Variants in FRMD1 observed in about 807,000 individuals in gnomAD.
FRMD1 encodes the protein FERM domain containing 1, also known as FERM domain-containing protein 1.
FRMD1 carries 51 observed loss-of-function variants against 54.9 expected under a neutral mutation model. That is an observed-to-expected ratio of 0.93 (90% CI 0.74 to 1.17). FRMD1 has a LOEUF of 1.17. Among genes scored for constraint, FRMD1 ranks in the 50% most tolerant of loss-of-function variants. The pLI is 0.00. For synonymous variants in FRMD1, 324 were observed against 306.4 expected, an observed-to-expected ratio of 1.06 and a Z score of -0.60; for missense variants, 729 against 743.0, an observed-to-expected ratio of 0.98 and a Z score of 0.22.
intron 1 of FRMD1, chr6:168,075,842 T>C (rs1800566137): frequency 6.5e-7 from 1 of 1,531,956 alleles, no homozygotes; most frequent in Non-Finnish European, 8.8e-7. Context: ...TGTCCCTGTT[T>C]CCGGCGTCCC....
intron 1 of FRMD1, among the ~76,000 whole-genome samples, chr6:168,091,557 T>A (rs892261026): frequency 6.6e-5 from 10 of 152,158 alleles, no homozygotes; most frequent in South Asian, 2.1e-4. Flanking sequence ...CAGAGCAGTG[T>A]CTCTGGAGCC....
intron 2 of FRMD1, among the ~76,000 whole-genome samples, chr6:168,068,837 G>A (rs979823505): frequency 4.6e-5 from 7 of 152,246 alleles, no homozygotes; most frequent in African/African-American, 1.7e-4. Flanking sequence ...GAAGACACCA[G>A]TGAGGAAGAC....
In FRMD1 at chr6:168,060,827, C is replaced by T. The variant is rs775050650; in HGVS notation, c.1276G>A (p.Glu426Lys). Reference sequence around the variant, plus strand: ...CTGGGGCTGGAGGACGGCTCCTTCTCATGGAGCCCGTGGACCTCCAAGGGC... The same window carrying T: ...CTGGGGCTGGAGGACGGCTCCTTCTTATGGAGCCCGTGGACCTCCAAGGGC... ...DVPLEVHGLH[E>K]KEPSSSPRTS... The change falls in exon 9 of 11, where the codon GAG becomes AAG. Residue 426 changes from glutamate to lysine, a missense_variant. Transcript: ENST00000283309. 3 of 1,613,506 alleles carry T rather than the reference C, an allele frequency of 1.9e-6. No individual in the cohort carries two copies. Among genetic ancestry groups the T allele is most frequent in the Admixed American group, 1.7e-5 (1 of 60,020 alleles).
chr6:168,087,076 T>C (rs966436126), intron 1 of FRMD1, among the ~76,000 whole-genome samples: 64 of 152,254 alleles, frequency 4.2e-4, no homozygotes, highest in African/African-American at 6.3e-4. Context: ...TTCACTTTTT[T>C]TTTTTTCTTC....
upstream of FRMD1, among the ~76,000 whole-genome samples, chr6:168,080,787 T>A (rs1033052330): frequency 2.0e-5 from 3 of 151,800 alleles, no homozygotes; most frequent in Non-Finnish European, 4.4e-5. Context: ...AAAGCGATGG[T>A]TCCCCACGTG....
At chr6:168,080,768 C>T (rs1245017733), upstream of FRMD1, among the ~76,000 whole-genome samples, 1 of 152,058 alleles carries the variant, frequency 6.6e-6, no homozygotes, top group African/African-American at 2.4e-5. Context: ...GCTGGGTGCA[C>T]TAATGATCAA....
At chr6:168,083,219 CTG>C (rs1562434221), upstream of FRMD1, among the ~76,000 whole-genome samples, 1 of 152,234 alleles carries the variant, frequency 6.6e-6, no homozygotes, top group Non-Finnish European at 1.5e-5. Flanking sequence ...TCACCCGTCT[CTG>C]TGGTGCTAGC....
intron 1 of FRMD1, chr6:168,075,759 T>TG: frequency 6.4e-7 from 1 of 1,550,692 alleles, no homozygotes; most frequent in Non-Finnish European, 8.7e-7. Flanking sequence ...GCCCAACTGA[T>TG]GCGAGTGATC....
Position 168,055,324 on chromosome 6 carries a change from TGTGTGTGTGCATGC to T in FRMD1, c.*1759_*1772del, listed in dbSNP as rs1263313582. 1 of 153,014 alleles carries T rather than the reference TGTGTGTGTGCATGC, an allele frequency of 6.5e-6. No homozygotes were observed. The highest frequency in any genetic ancestry group is 1.5e-5 in the Non-Finnish European group (1 of 68,808). 9.5% of individuals were successfully genotyped at this position (153,014 alleles called of 1,614,324 possible). A position where few individuals can be genotyped will look rare whatever the true frequency, so the allele number is the denominator to read the frequency against. On this transcript the variant is annotated 3_prime_UTR_variant, in exon 11 of 11. Coordinates refer to ENST00000283309, the MANE Select transcript of FRMD1 (RefSeq NM_024919.6). ...GTGTGCATGTATGGATGTGTGCATG[TGTGTGTGTGCATGC>T]GTGTGCATCTGTGTGCAGATGTGTG...
At chr6:168,078,543 C>CAGCCGCAGTTGCTCCCGG (rs1800693338) in intron 1 of FRMD1, among the ~76,000 whole-genome samples, 1 of 147,996 alleles carries the variant, frequency 6.8e-6, no homozygotes, top group African/African-American at 2.5e-5. Flanking sequence ...CCCCCACGGC[C>CAGCCGCAGTTGCTCCCGG]CTGCTCACCC....
In FRMD1 at chr6:168,062,905, G is replaced by A. The variant is rs1288423190; in HGVS notation, c.859C>T (p.His287Tyr). The A allele has an allele frequency of 2.5e-6, 4 of 1,613,894 alleles. No individual in the cohort carries two copies. In the Admixed American group the frequency reaches 6.7e-5, roughly 27 times the overall value. The change falls in exon 7 of 11, where the codon CAC becomes TAC. Residue 287 changes from histidine (H) to tyrosine (Y), a missense_variant. Transcript: ENST00000283309. ...GCCCCTTCGGTCACCTGGTAGATGT[G>A]CACTCCCCTGAGGGCCAGTCCCAGG... ...VILGLALRGV[H>Y]IYQGKKLEIQ...
intron 6 of FRMD1, 131 bp from the exon 7 acceptor site, chr6:168,063,090 GAC>G: frequency 1.3e-6 from 1 of 744,404 alleles, no homozygotes. Context: ...CCCATTTACA[GAC>G]AGTCTCATTC....
chr6:168,086,220 A>G (rs978523894), upstream of FRMD1, among the ~76,000 whole-genome samples: 4 of 151,600 alleles, frequency 2.6e-5, 1 homozygote, highest in Admixed American at 2.0e-4. Context: ...ATGTTCCAGC[A>G]TGGACACCCA....
In FRMD1 at chr6:168,060,779, T is replaced by C. The variant is rs577843443; in HGVS notation, c.1324A>G (p.Thr442Ala). The change falls in exon 9 of 11, where the codon ACA becomes GCA. Residue 442 changes from threonine to alanine, a missense_variant. By Grantham distance (58) the Thr-to-Ala change is moderately conservative. Coordinates refer to ENST00000283309, the MANE Select transcript of FRMD1 (RefSeq NM_024919.6). ...GGCCCACCTTGGCTGTCACCACGTG[T>C]GCTGGGGTGGCTGCGGCTGGTCCTG... The part of the protein sequence containing the change: ...SPRTSRSHPS[T>A]RGDSQATRQE... The C allele has an allele frequency of 1.3e-5, 21 of 1,611,210 alleles. No individual in the cohort carries two copies. The South Asian group carries it at 2.1e-4, about 16-fold the overall frequency.
At chr6:168,080,442 A>C (rs1379459733), upstream of FRMD1, among the ~76,000 whole-genome samples, 1 of 39,298 alleles carries the variant, frequency 2.5e-5, no homozygotes, top group Non-Finnish European at 6.5e-5. Context: ...AGTTTTAAAA[A>C]TGGCAAAAAA....
At chr6:168,085,664 G>C (rs951589124), upstream of FRMD1, among the ~76,000 whole-genome samples, 1 of 152,182 alleles carries the variant, frequency 6.6e-6, no homozygotes, top group Admixed American at 6.5e-5. Flanking sequence ...CATGGCCACC[G>C]TGAGAACTGC....
chr6:168,064,906 T>G lies in FRMD1; in HGVS notation c.613A>C (p.Arg205=). 1 of 1,593,734 alleles carries G rather than the reference T, an allele frequency of 6.3e-7. No individual in the cohort carries two copies. The highest frequency in any genetic ancestry group is 8.5e-7 in the Non-Finnish European group (1 of 1,170,774). The change falls in exon 5 of 11, where the codon AGG becomes CGG. Residue 205 remains arginine (R), a synonymous_variant. Coordinates refer to ENST00000283309, the MANE Select transcript of FRMD1 (RefSeq NM_024919.6). Reference sequence around the variant, plus strand: ...AAGTAGGAGTGTGGCTCGAAGTACCTCCCGGCATGGGCCGACTCCCGGTGC... The same window carrying G: ...AAGTAGGAGTGTGGCTCGAAGTACCGCCCGGCATGGGCCGACTCCCGGTGC... ...GEHRESAHAG[R]YFEPHSYFPQ...
At chr6:168,080,249 C>G (rs188472039), upstream of FRMD1, among the ~76,000 whole-genome samples, 22 of 152,138 alleles carry the variant, frequency 1.4e-4, no homozygotes, top group Admixed American at 2.0e-4. Flanking sequence ...TCACCTCCCC[C>G]GGACCCTGGA....
chr6:168,063,699 C>T lies in FRMD1; in HGVS notation c.706G>A (p.Glu236Lys). Residue 236 changes from glutamate (E) to lysine (K), a missense_variant, in exon 6 of 11, where the codon GAG becomes AAG. Glu to Lys is a moderately conservative substitution (Grantham distance 56). Transcript: ENST00000283309. ...TCCTTGGGGCTCAGGCCCTGGCGCTCACGGTGCAGGGTAGGCATGTGCCGG... is the reference window on the plus strand; with the variant it reads ...TCCTTGGGGCTCAGGCCCTGGCGCTTACGGTGCAGGGTAGGCATGTGCCGG... The part of the protein sequence containing the change: ...ILRHMPTLHR[E>K]RQGLSPKEAM... 6.2e-7 allele frequency: 1 copy of T among 1,613,926 alleles called. No individual in the cohort carries two copies. Among genetic ancestry groups the T allele is most frequent in the Non-Finnish European group, 8.5e-7 (1 of 1,179,890 alleles).
Sources: gnomAD v4.1 joint callset for allele counts (sites outside exome capture counted in the v4.1 genomes callset) on GRCh38, gnomAD v4.1.1 for gene constraint, MANE v1.5 for transcripts, NCBI Gene and HGNC (gene_info 2026-07-23, HGNC 2026-07-21) for gene names.